The following TBL1XR1 variants were observed in gnomAD, a reference collection of about 807,000 sequenced individuals.
The protein encoded by TBL1XR1 is TBL1X/Y related 1, also known as F-box-like/WD repeat-containing protein TBL1XR1.
In TBL1XR1, 5 loss-of-function variants were observed where a neutral mutation model predicts 66.9. The ratio of observed to expected loss-of-function variants is 0.07; its 90% confidence interval spans 0.04 to 0.16. The LOEUF is 0.16. Among genes scored for constraint, TBL1XR1 ranks in the 10% least tolerant of loss-of-function variants. TBL1XR1 has a pLI of 1.00. For missense variants in TBL1XR1, 238 were observed against 623.2 expected, an observed-to-expected ratio of 0.38 and a Z score of 6.58; for synonymous variants, 210 against 206.0, an observed-to-expected ratio of 1.02 and a Z score of -0.17.
At chr3:177,178,503 A>T (rs1463902660) in intron 1 of TBL1XR1, among the ~76,000 whole-genome samples, 1 of 152,216 alleles carries the variant, frequency 6.6e-6, no homozygotes, top group Non-Finnish European at 1.5e-5. Context: ...AACAAAGGCA[A>T]TGTGAATAAA....
At chr3:177,192,371 G>C (rs973401488) in intron 1 of TBL1XR1, among the ~76,000 whole-genome samples, 1 of 147,666 alleles carries the variant, frequency 6.8e-6, no homozygotes, top group Non-Finnish European at 1.5e-5. Flanking sequence ...CTCCAACCTG[G>C]GCAACAAACA....
intron 2 of TBL1XR1, among the ~76,000 whole-genome samples, chr3:177,084,097 A>G (rs1028178523): frequency 4.6e-5 from 7 of 151,038 alleles, no homozygotes; most frequent in Admixed American, 2.7e-4. Context: ...CAAAAAAAAA[A>G]AAAAAGAAAA....
At chr3:177,140,031 G>A (rs1033492421) in intron 1 of TBL1XR1, among the ~76,000 whole-genome samples, 12 of 152,270 alleles carry the variant, frequency 7.9e-5, no homozygotes, top group East Asian at 1.9e-4. Flanking sequence ...AGCCAGGTGC[G>A]GTGGCTCACG....
At chr3:177,105,149 TTTAAG>T (rs1724715838) in intron 1 of TBL1XR1, among the ~76,000 whole-genome samples, 1 of 152,230 alleles carries the variant, frequency 6.6e-6, no homozygotes, top group Non-Finnish European at 1.5e-5. Context: ...TATCTATGAT[TTTAAG>T]TTATTTTTTC....
chr3:177,054,073 T>TGTGTGTGTGTGTGTGTGC (rs145838308), intron 3 of TBL1XR1, among the ~76,000 whole-genome samples, 155 bp from the exon 4 acceptor site: 2 of 124,914 alleles, frequency 1.6e-5, no homozygotes, highest in African/African-American at 5.8e-5. Flanking sequence ...TGTGTGTGTG[T>TGTGTGTGTGTGTGTGTGC]GCGCGCGCGT....
At position 177,041,586 on chromosome 3, in the gene TBL1XR1, C is replaced by T. The variant is rs373320562; in HGVS notation, c.926-3152G>A. ...ACTAGTAAACAAAAATATGTGCCAA[C>T]TTTATCCGCATGATGTGTGAACTCT... On this transcript the variant is annotated intron_variant, in intron 10 of 15. Coordinates refer to ENST00000457928, the MANE Select transcript of TBL1XR1 (RefSeq NM_024665.7). Among the ~76,000 whole-genome samples, 27 of 152,290 alleles carry T rather than the reference C, an allele frequency of 1.8e-4. No homozygotes were observed. In the East Asian group the frequency reaches 3.3e-3, roughly 18 times the overall value.
chr3:177,113,906 T>C (rs1010548338), intron 1 of TBL1XR1, among the ~76,000 whole-genome samples: 1 of 152,156 alleles, frequency 6.6e-6, no homozygotes, highest in African/African-American at 2.4e-5. Context: ...TAACACACTG[T>C]TGGTGGCCAT....
intron 10 of TBL1XR1, among the ~76,000 whole-genome samples, chr3:177,043,061 C>T (rs971754993): frequency 6.6e-6 from 1 of 152,106 alleles, no homozygotes; most frequent in African/African-American, 2.4e-5. Flanking sequence ...TCTCCTTTGG[C>T]CCATGAGTTA....
chr3:177,144,752 C>CA lies in TBL1XR1; in HGVS notation c.-121-46212dup, dbSNP rs886479826. Among the ~76,000 whole-genome samples, 25 of 143,776 alleles carry CA rather than the reference C, an allele frequency of 1.7e-4. 1 individual carries two copies. In the East Asian group the frequency reaches 2.0e-3, roughly 12 times the overall value. 94.3% of individuals were successfully genotyped at this position (143,776 alleles called of 152,430 possible). On this transcript the variant is annotated intron_variant, in intron 1 of 15. Transcript: ENST00000457928. ...TGGGCGACAGAGGGAGACTCCGTCCCAAAAAAAAAGAAAAAAAGAAAAAGA... is the reference window on the plus strand; with the variant it reads ...TGGGCGACAGAGGGAGACTCCGTCCCAAAAAAAAAAGAAAAAAAGAAAAAGA...
intron 1 of TBL1XR1, among the ~76,000 whole-genome samples, chr3:177,114,642 C>G (rs1265041948): frequency 6.6e-6 from 1 of 150,930 alleles, no homozygotes; most frequent in Non-Finnish European, 1.5e-5. Context: ...ATGACAAAAA[C>G]ATAATGTCGT....
chr3:177,115,778 A>C (rs1726235368), intron 1 of TBL1XR1, among the ~76,000 whole-genome samples: 1 of 152,202 alleles, frequency 6.6e-6, no homozygotes, highest in Non-Finnish European at 1.5e-5. Flanking sequence ...GGCACTGCTT[A>C]ATTAACTATT....
At chr3:177,038,479 TA>T (rs1201533062) in intron 10 of TBL1XR1, 45 bp from the exon 11 acceptor site, 1 of 1,446,080 alleles carries the variant, frequency 6.9e-7, no homozygotes. Flanking sequence ...CCACATGTAC[TA>T]AAATCCAAGA....
chr3:177,096,647 T>C (rs1351802258), intron 2 of TBL1XR1, among the ~76,000 whole-genome samples: 1 of 152,184 alleles, frequency 6.6e-6, no homozygotes, highest in Non-Finnish European at 1.5e-5. Context: ...GAACTTCATT[T>C]GAACAAAAAC....
chr3:177,201,342 G>C (rs13072046), upstream of TBL1XR1, among the ~76,000 whole-genome samples: 65,762 of 149,186 alleles, frequency 0.44, 16,077 homozygotes, highest in Non-Finnish European at 0.55. Flanking sequence ...AACCGAGAGG[G>C]GGAGGTTGCA....
intron 1 of TBL1XR1, among the ~76,000 whole-genome samples, chr3:177,190,221 A>G (rs917295433): frequency 5.9e-5 from 9 of 152,058 alleles, no homozygotes; most frequent in Non-Finnish European, 1.3e-4. Flanking sequence ...TAACCAGATA[A>G]AGTCAACTTA....
chr3:177,163,138 C>T, intron 1 of TBL1XR1, among the ~76,000 whole-genome samples: 1 of 152,084 alleles, frequency 6.6e-6, no homozygotes, highest in Admixed American at 6.6e-5. Flanking sequence ...CTGAGGCAAC[C>T]TGAATATCCA....
At chr3:177,123,458 T>C (rs778355089) in intron 1 of TBL1XR1, among the ~76,000 whole-genome samples, 13 of 151,956 alleles carry the variant, frequency 8.6e-5, no homozygotes, top group Admixed American at 2.6e-4. Flanking sequence ...ACCCCTACAA[T>C]TGGGCAAACA....
chr3:177,193,995 G>C (rs1253180210), intron 1 of TBL1XR1: 1 of 152,212 alleles, frequency 6.6e-6, no homozygotes, highest in African/African-American at 2.4e-5. Context: ...ACCTCCTAGA[G>C]CATAGCCCGG....
intron 1 of TBL1XR1, among the ~76,000 whole-genome samples, chr3:177,187,574 AAAAATAC>A (rs1170517469): frequency 6.6e-6 from 1 of 152,124 alleles, no homozygotes; most frequent in Non-Finnish European, 1.5e-5. Context: ...GAATTGGTTT[AAAAATAC>A]TTGTTTGCTT....
Sources: gnomAD v4.1 joint callset for allele counts (sites outside exome capture counted in the v4.1 genomes callset) on GRCh38, gnomAD v4.1.1 for gene constraint, MANE v1.5 for transcripts, NCBI Gene and HGNC (gene_info 2026-07-23, HGNC 2026-07-21) for gene names.